The following PHF2 variants were observed in gnomAD, a reference collection of about 807,000 sequenced individuals.
PHF2 encodes the protein PHD finger protein 2.
PHF2 carries 27 observed loss-of-function variants against 120.5 expected under a neutral mutation model. The observed-to-expected ratio is 0.22, with a 90% CI of 0.17 to 0.31. The LOEUF is 0.31. PHF2 is among the 10% of genes least tolerant of loss of function. The probability of loss-of-function intolerance (pLI) is 1.00; values close to 1 mark genes in which losing one functional copy is unlikely to be tolerated. For missense variants in PHF2, 1,024 were observed against 1,434.8 expected, an observed-to-expected ratio of 0.71 and a Z score of 4.63; for synonymous variants, 568 against 592.5, an observed-to-expected ratio of 0.96 and a Z score of 0.60.
At chr9:93,585,524 A>T (rs1319105860) in intron 1 of PHF2, among the ~76,000 whole-genome samples, 4 of 152,250 alleles carry the variant, frequency 2.6e-5, no homozygotes, top group Non-Finnish European at 5.9e-5. Flanking sequence ...GCTCAGGTGG[A>T]GAGCATGTGT....
chr9:93,674,005 CCCCGGAGA>C, intron 18 of PHF2, 143 bp downstream of exon 18: 1 of 912,644 alleles, frequency 1.1e-6, no homozygotes, highest in Non-Finnish European at 1.6e-6. Context: ...TGACTGCTGT[CCCCGGAGA>C]CCCTCCTGTG....
chr9:93,606,209 A>G (rs991535952), intron 1 of PHF2, among the ~76,000 whole-genome samples: 3 of 152,084 alleles, frequency 2.0e-5, no homozygotes, highest in African/African-American at 4.8e-5. Flanking sequence ...AGCTCAAGCA[A>G]TCCACCTGCC....
At position 93,677,155 on chromosome 9, in the gene PHF2, G is replaced by A. The variant is rs760525575; in HGVS notation, c.3202+192G>A. Among the ~76,000 whole-genome samples, 1 of 149,030 alleles carries A rather than the reference G, an allele frequency of 6.7e-6. No homozygotes were observed. The highest frequency in any genetic ancestry group is 1.5e-5 in the Non-Finnish European group (1 of 67,422). On this transcript the variant is annotated intron_variant, in intron 21 of 21. Transcript: ENST00000359246. This position sits in a 1 kb window ranked among gnomAD's most constrained non-coding sequence, Gnocchi z 4.4. ...GCGTATCCCACAGTACAGGACGTGT[G>A]CTTTCATCCTTCTGCTCAGTGGGCG...
chr9:93,629,741 C>A (rs1825968556), intron 1 of PHF2, among the ~76,000 whole-genome samples: 1 of 152,144 alleles, frequency 6.6e-6, no homozygotes, highest in African/African-American at 2.4e-5. Context: ...TGGGGCATAT[C>A]CAGACGCTGT....
chr9:93,642,038 G>T (rs1218430445), intron 3 of PHF2, among the ~76,000 whole-genome samples: 1 of 152,186 alleles, frequency 6.6e-6, no homozygotes, highest in Non-Finnish European at 1.5e-5. Context: ...GAAAAGACTG[G>T]CCTCTCCCCA....
At chr9:93,616,103 A>G (rs1402659299) in intron 1 of PHF2, among the ~76,000 whole-genome samples, 2 of 152,206 alleles carry the variant, frequency 1.3e-5, no homozygotes, top group African/African-American at 4.8e-5. Flanking sequence ...TTCTAAACTA[A>G]AAGACTTGTA....
intron 1 of PHF2, among the ~76,000 whole-genome samples, chr9:93,613,558 T>C (rs978577812): frequency 6.7e-5 from 9 of 134,800 alleles, no homozygotes; most frequent in Non-Finnish European, 1.1e-4. Context: ...GATTTTCTTT[T>C]TCTTTTTTTT....
At position 93,676,717 on chromosome 9, in the gene PHF2, A is replaced by AACACCCCTGCCT. The variant is rs1554800848; in HGVS notation, c.2956_2957insACACCCCTGCCT (p.Thr986delinsAsnThrProAlaSer). ...CTCCACCTCCACCACGCCAGCCTCTACCACCCCGGCCTCCACCACCCCGGC... is the reference window on the plus strand; with the variant it reads ...CTCCACCTCCACCACGCCAGCCTCTAACACCCCTGCCTCCACCCCGGCCTCCACCACCCCGGC... On this transcript the variant is annotated protein_altering_variant, in exon 21 of 22. Coordinates refer to ENST00000359246, the MANE Select transcript of PHF2 (RefSeq NM_005392.4). The AACACCCCTGCCT allele has an allele frequency of 6.4e-7, 1 of 1,555,664 alleles. No homozygotes were observed. The highest frequency in any genetic ancestry group is 2.4e-5 in the East Asian group (1 of 41,388).
At position 93,636,397 on chromosome 9, in the gene PHF2, G is replaced by C; in HGVS notation, c.185-14G>C. The C allele has an allele frequency of 1.3e-6, 2 of 1,590,630 alleles. No individual in the cohort carries two copies. Among genetic ancestry groups the C allele is most frequent in the South Asian group, 1.1e-5 (1 of 87,818 alleles). The stretch of plus-strand genomic sequence containing the variant: ...GCGCTGTGTGACCGACCTTGCTTCC[G>C]GTCTCCTCCACAGTAAAGAAGAAGC... On this transcript the variant is annotated splice_polypyrimidine_tract_variant and intron_variant, in intron 2 of 21. Coordinates refer to ENST00000359246, the MANE Select transcript of PHF2 (RefSeq NM_005392.4).
intron 1 of PHF2, among the ~76,000 whole-genome samples, chr9:93,619,779 GGGT>G (rs1564383822): frequency 6.6e-6 from 1 of 152,214 alleles, no homozygotes; most frequent in African/African-American, 2.4e-5. Context: ...GAAACTCAGG[GGGT>G]GCTGCTCTTA....
intron 4 of PHF2, among the ~76,000 whole-genome samples, chr9:93,646,545 G>A (rs948418759): frequency 3.3e-5 from 5 of 152,220 alleles, no homozygotes; most frequent in Non-Finnish European, 5.9e-5. Flanking sequence ...AGGCACACTG[G>A]CCTCTCAGTG....
At chr9:93,642,801 C>G (rs149905058) in intron 3 of PHF2, among the ~76,000 whole-genome samples, 49 of 152,276 alleles carry the variant, frequency 3.2e-4, no homozygotes, top group Non-Finnish European at 6.5e-4. Context: ...TCTGTATTCT[C>G]TGTATCATTT....
intron 1 of PHF2, among the ~76,000 whole-genome samples, chr9:93,581,293 G>A (rs920741846): frequency 1.3e-5 from 2 of 152,202 alleles, no homozygotes; most frequent in Non-Finnish European, 2.9e-5. Flanking sequence ...CGCGCTGCAG[G>A]CCAGCTCTGT....
chr9:93,625,458 G>GTTTGAGTACCTTT (rs1825898213), intron 1 of PHF2, among the ~76,000 whole-genome samples: 1 of 109,138 alleles, frequency 9.2e-6, no homozygotes, highest in African/African-American at 3.4e-5. Context: ...ACAAGGATTT[G>GTTTGAGTACCTTT]TTTGAGTACC....
intron 1 of PHF2, among the ~76,000 whole-genome samples, chr9:93,579,393 C>T (rs1229131377): frequency 1.3e-5 from 2 of 152,134 alleles, no homozygotes; most frequent in Non-Finnish European, 2.9e-5. Context: ...TCCTTCTCTC[C>T]CTTTCCCTGC....
In PHF2 at chr9:93,587,284, G is replaced by T. The variant is rs563849455; in HGVS notation, c.98+10413G>T. Among the ~76,000 whole-genome samples the T allele has an allele frequency of 1.2e-4, 18 of 146,034 alleles. No individual in the cohort carries two copies. In the South Asian group the frequency reaches 4.1e-3, roughly 33 times the overall value. On this transcript the variant is annotated intron_variant, in intron 1 of 21. Coordinates refer to ENST00000359246, the MANE Select transcript of PHF2 (RefSeq NM_005392.4). ...GCCCTGGGTGAGGGATGACGGAGGA[G>T]CCCTGGGTGAGGGATGACAGAGGAG...
chr9:93,659,381 G>A, intron 10 of PHF2, 130 bp from the exon 11 acceptor site: 1 of 691,446 alleles, frequency 1.4e-6, no homozygotes, highest in South Asian at 1.8e-5. Flanking sequence ...GGCAGAGTTT[G>A]GCTCGGAAGC....
At chr9:93,641,142 T>A (rs148040170) in intron 3 of PHF2, among the ~76,000 whole-genome samples, 442 of 152,328 alleles carry the variant, frequency 2.9e-3, no homozygotes, top group African/African-American at 0.01. Context: ...TTTTTAATTT[T>A]TCTCTCCTTA....
chr9:93,658,744 C>T (rs1179929826), intron 10 of PHF2, among the ~76,000 whole-genome samples: 1 of 152,184 alleles, frequency 6.6e-6, no homozygotes, highest in Non-Finnish European at 1.5e-5. Flanking sequence ...AGCTCAGAAG[C>T]TAAGCTGCCT....
Sources: allele counts gnomAD v4.1 joint callset (sites outside exome capture counted in the v4.1 genomes callset), GRCh38; gene constraint gnomAD v4.1.1; non-coding constraint Gnocchi (gnomAD v3.1); transcripts MANE v1.5; gene names NCBI Gene and HGNC (gene_info 2026-07-23, HGNC 2026-07-21).